CNTNAP2: variants seen among roughly 807,000 people sequenced by gnomAD.
CNTNAP2 encodes the protein contactin associated protein 2, also known as contactin-associated protein-like 2.
In CNTNAP2, 98 loss-of-function variants were observed where a neutral mutation model predicts 155.2. The ratio of observed to expected loss-of-function variants is 0.63; its 90% CI spans 0.54 to 0.75. The LOEUF (loss-of-function observed/expected upper bound fraction) is 0.75, where lower values mean the gene tolerates loss of function less well. CNTNAP2 is among the 30% of genes least tolerant of loss of function. The pLI, the probability that CNTNAP2 is intolerant of heterozygous loss-of-function variation, is 0.00. For synonymous variants in CNTNAP2, 651 were observed against 631.2 expected (o/e 1.03, Z -0.47); for missense variants, 1,727 against 1,688.1 (o/e 1.02, Z -0.40).
chr7:148,177,895 G>T (rs79140682), intron 18 of CNTNAP2, among the ~76,000 whole-genome samples: 14 of 146,768 alleles, frequency 9.5e-5, no homozygotes, highest in Middle Eastern at 3.5e-3. Context: ...AACAGACACT[G>T]TTTTTTTTTT....
intron 1 of CNTNAP2, among the ~76,000 whole-genome samples, chr7:146,314,047 T>A (rs1306782266): frequency 6.6e-6 from 1 of 152,130 alleles, no homozygotes; most frequent in Admixed American, 6.6e-5. Context: ...GTATTTCTAG[T>A]GATATGGGGT....
intron 1 of CNTNAP2, among the ~76,000 whole-genome samples, chr7:146,648,513 T>A (rs1799853368): frequency 1.3e-5 from 2 of 152,146 alleles, no homozygotes; most frequent in Non-Finnish European, 2.9e-5. Flanking sequence ...CTTTAAATGT[T>A]TTTTAAAAAA....
At chr7:147,586,167 T>A (rs1800615210) in intron 12 of CNTNAP2, among the ~76,000 whole-genome samples, 1 of 152,146 alleles carries the variant, frequency 6.6e-6, no homozygotes, top group African/African-American at 2.4e-5. Flanking sequence ...GAGAAAGCAA[T>A]GTCTGGGTTA....
chr7:147,231,812 T>A (rs1213699384), intron 8 of CNTNAP2, among the ~76,000 whole-genome samples: 1 of 152,236 alleles, frequency 6.6e-6, no homozygotes, highest in Admixed American at 6.5e-5. Context: ...GATCTTTATA[T>A]GATTTGGACA....
chr7:146,736,953 G>T (rs1801631256), intron 1 of CNTNAP2, among the ~76,000 whole-genome samples: 1 of 151,898 alleles, frequency 6.6e-6, no homozygotes, highest in Non-Finnish European at 1.5e-5. Flanking sequence ...TTTTATTCAG[G>T]TATGTTAGAG....
chr7:146,729,981 C>T (rs903972052), intron 1 of CNTNAP2, among the ~76,000 whole-genome samples: 2 of 152,056 alleles, frequency 1.3e-5, no homozygotes, highest in African/African-American at 2.4e-5. Context: ...TAATCATCCC[C>T]AGTCACAAAA....
chr7:146,410,370 C>A lies in CNTNAP2; in HGVS notation c.97+293397C>A, dbSNP rs555023357. ...CCACAAAGTTTAAAATATTTACTAT[C>A]TTGCTATTTACAGAAAATATTTGCT... On this transcript the variant is annotated intron_variant, in intron 1 of 23. Transcript: ENST00000361727. Among the ~76,000 whole-genome samples the A allele has an allele frequency of 1.8e-3, 278 of 152,272 alleles. 1 individual carries two copies. The highest frequency in any genetic ancestry group is 6.5e-3 in the African/African-American group (272 of 41,552).
In CNTNAP2 at chr7:147,945,572, T is replaced by A. The variant is rs73166301; in HGVS notation, c.2256-32290T>A. Among the ~76,000 whole-genome samples, 1,237 of 152,028 alleles carry A rather than the reference T, an allele frequency of 8.1e-3. 14 individuals are homozygous for A. Among genetic ancestry groups the A allele is most frequent in the South Asian group, 0.019 (91 of 4,818 alleles). On this transcript the variant is annotated intron_variant, in intron 14 of 23. Transcript: ENST00000361727. ...GTAGAAGGAAATGTGCTGATTATCATGAGAACAACAAAAAAGAGAAATGAG... is the reference window on the plus strand; with the variant it reads ...GTAGAAGGAAATGTGCTGATTATCAAGAGAACAACAAAAAAGAGAAATGAG...
chr7:148,331,091 C>T (rs563873403), intron 21 of CNTNAP2, among the ~76,000 whole-genome samples: 2,402 of 109,284 alleles, frequency 0.022, 30 homozygotes, highest in Middle Eastern at 0.073. Flanking sequence ...ATGGAGTGGA[C>T]GGATGGAATG....
chr7:147,011,447 A>G (rs1798622307), intron 3 of CNTNAP2, among the ~76,000 whole-genome samples: 1 of 144,644 alleles, frequency 6.9e-6, no homozygotes, highest in Non-Finnish European at 1.5e-5. Context: ...AAAAAAAAGG[A>G]ACAAGGTTGT....
In CNTNAP2 at chr7:146,382,627, A is replaced by T. The variant is rs528820211; in HGVS notation, c.97+265654A>T. On this transcript the variant is annotated intron_variant, in intron 1 of 23. Coordinates refer to ENST00000361727, the MANE Select transcript of CNTNAP2 (RefSeq NM_014141.6). ...TAAAATAGATAAGTAACATTTAAAA[A>T]TTTTGACACCAACCTGACCATGGAG... Among the ~76,000 whole-genome samples, 5 of 152,336 alleles carry T rather than the reference A, an allele frequency of 3.3e-5. No individual in the cohort carries two copies. The East Asian group carries it at 7.7e-4, about 24-fold the overall frequency.
rs377203278 is a variant in CNTNAP2 at position 147,366,593 on chromosome 7, T to C, written c.1499-29016T>C. ...TAAGATGAATTCTCAACTGATACTA[T>C]ATTCTTTATTTTTAGTATAAGTAAA... is the stretch of plus-strand genomic sequence containing the variant. On this transcript the variant is annotated intron_variant, in intron 9 of 23. Coordinates refer to ENST00000361727, the MANE Select transcript of CNTNAP2 (RefSeq NM_014141.6). 5.7e-4 allele frequency among the ~76,000 whole-genome samples: 87 copies of C among 152,248 alleles called. No individual in the cohort carries two copies. The Middle Eastern group carries it at 0.01, about 18-fold the overall frequency.
At chr7:146,568,439 T>G (rs1260718321) in intron 1 of CNTNAP2, among the ~76,000 whole-genome samples, 2 of 152,226 alleles carry the variant, frequency 1.3e-5, no homozygotes, top group Non-Finnish European at 1.5e-5. Flanking sequence ...ATATTGTCGT[T>G]AATTTACTGA....
chr7:146,966,186 CCTT>C (rs1186021913), intron 3 of CNTNAP2, among the ~76,000 whole-genome samples: 2 of 152,214 alleles, frequency 1.3e-5, no homozygotes, highest in Admixed American at 6.5e-5. Context: ...CACTCTTACT[CCTT>C]CTGGTCTTAG....
intron 9 of CNTNAP2, among the ~76,000 whole-genome samples, chr7:147,329,576 C>T (rs574028498): frequency 2.6e-5 from 4 of 152,178 alleles, no homozygotes; most frequent in African/African-American, 9.6e-5. Context: ...CAGGTGTAAG[C>T]ATGTAAGTGT....
At chr7:146,340,820 G>T (rs1409422597) in intron 1 of CNTNAP2, among the ~76,000 whole-genome samples, 2 of 152,096 alleles carry the variant, frequency 1.3e-5, no homozygotes, top group African/African-American at 4.8e-5. Context: ...GCTAAAATAA[G>T]ATTTAATTCT....
At chr7:146,530,266 C>T (rs1474151517) in intron 1 of CNTNAP2, among the ~76,000 whole-genome samples, 2 of 152,168 alleles carry the variant, frequency 1.3e-5, no homozygotes, top group South Asian at 2.1e-4. Flanking sequence ...AAATCTAATA[C>T]TATAAAAGCC....
chr7:146,819,842 C>G (rs1803241643), intron 2 of CNTNAP2, among the ~76,000 whole-genome samples: 1 of 152,100 alleles, frequency 6.6e-6, no homozygotes, highest in African/African-American at 2.4e-5. Flanking sequence ...CCATAGTCGC[C>G]AGGAGCTCTC....
chr7:147,805,718 T>C (rs1433256726), intron 13 of CNTNAP2, among the ~76,000 whole-genome samples: 1 of 152,254 alleles, frequency 6.6e-6, no homozygotes, highest in Non-Finnish European at 1.5e-5. Context: ...ATTGATGTGA[T>C]GTATCACTTT....
Sources: allele counts gnomAD v4.1 joint callset (sites outside exome capture counted in the v4.1 genomes callset), GRCh38; gene constraint gnomAD v4.1.1; transcripts MANE v1.5; gene names NCBI Gene and HGNC (gene_info 2026-07-23, HGNC 2026-07-21).